The following CCDC3 variants were observed in gnomAD, a reference collection of about 807,000 sequenced individuals.
CCDC3 encodes coiled-coil domain-containing protein 3.
A neutral mutation model predicts 21.4 loss-of-function variants in CCDC3; 24 were observed. That is an observed-to-expected ratio of 1.12 (90% CI 0.81 to 1.58). The LOEUF is 1.58. Among genes scored for constraint, CCDC3 ranks in the 40% most tolerant of loss-of-function variants. The pLI is 0.00. For missense variants in CCDC3, 425 were observed against 360.9 expected (o/e 1.18, Z -1.44); for synonymous variants, 186 against 166.0 (o/e 1.12, Z -0.93).
At chr10:12,999,014 TGGATCACCTAAGGTCAGGA>T (rs2131286246) in intron 1 of CCDC3, among the ~76,000 whole-genome samples, 1 of 152,216 alleles carries the variant, frequency 6.6e-6, no homozygotes, top group East Asian at 1.9e-4. Context: ...CCAAGGCAGG[TGGATCACCTAAGGTCAGGA>T]GTTCGAGACC....
chr10:12,966,015 G>C (rs2131260756), intron 2 of CCDC3, among the ~76,000 whole-genome samples: 1 of 152,194 alleles, frequency 6.6e-6, no homozygotes, highest in Middle Eastern at 3.4e-3. Flanking sequence ...CACCATCCCA[G>C]GCATTTTCTT....
chr10:13,003,449 A>G (rs1835890088), upstream of CCDC3, among the ~76,000 whole-genome samples: 1 of 152,234 alleles, frequency 6.6e-6, no homozygotes, highest in Non-Finnish European at 1.5e-5. Context: ...CTTAACTACA[A>G]CACTAGAATA....
chr10:12,963,724 C>T (rs148578215), intron 2 of CCDC3, among the ~76,000 whole-genome samples: 13 of 152,024 alleles, frequency 8.6e-5, no homozygotes, highest in African/African-American at 2.7e-4. Context: ...GGAATACAGG[C>T]GTGCACCACC....
At chr10:12,936,356 A>C (rs961159876) in intron 2 of CCDC3, among the ~76,000 whole-genome samples, 3 of 151,926 alleles carry the variant, frequency 2.0e-5, no homozygotes, top group Non-Finnish European at 4.4e-5. Flanking sequence ...TTTTCTTTCA[A>C]GAATTTTTTT....
chr10:12,953,753 G>A (rs750816077), intron 2 of CCDC3, among the ~76,000 whole-genome samples: 6 of 152,178 alleles, frequency 3.9e-5, no homozygotes, highest in Non-Finnish European at 8.8e-5. Flanking sequence ...CAGAAGCCTT[G>A]ATCACAGAAG....
chr10:12,989,557 G>T (rs536639069), intron 2 of CCDC3, among the ~76,000 whole-genome samples: 2 of 152,250 alleles, frequency 1.3e-5, no homozygotes, highest in Admixed American at 6.5e-5. Flanking sequence ...GAGTAGCTGG[G>T]ATTACAGGCA....
intron 2 of CCDC3, among the ~76,000 whole-genome samples, chr10:12,984,261 T>C (rs61251528): frequency 0.056 from 8,524 of 152,192 alleles, 677 homozygotes; most frequent in African/African-American, 0.18. Flanking sequence ...TAGACGTTTC[T>C]CCCAAAAGGA....
At chr10:13,026,072 T>C (rs1348250934) in intron 5 of CCDC3, among the ~76,000 whole-genome samples, 2 of 151,970 alleles carry the variant, frequency 1.3e-5, no homozygotes, top group South Asian at 2.1e-4. Flanking sequence ...TCCCAGCTAC[T>C]CAGGAGGCTG....
At chr10:13,046,713 A>C (rs1185833661) in intron 5 of CCDC3, among the ~76,000 whole-genome samples, 2 of 151,784 alleles carry the variant, frequency 1.3e-5, no homozygotes, top group African/African-American at 4.8e-5. Context: ...GTCTCAAAAA[A>C]AAAAAAAAAG....
At chr10:13,086,941 G>A (rs472314) in intron 3 of CCDC3, among the ~76,000 whole-genome samples, 2,297 of 152,244 alleles carry the variant, frequency 0.015, 68 homozygotes, top group African/African-American at 0.053. Flanking sequence ...AACATGAAAG[G>A]GGCTGCAGAT....
rs1835797063 is a variant in CCDC3, at chr10:12,998,460, T to C, written c.427A>G (p.Ile143Val). ...LPHGVNFQDA[I>V]FPDTQENRRM... ...CTGTTCTCTTGAGTGTCTGGGAAGA[T>C]GGCATCTTGGAAATTGACTCCGTGA... Residue 143 changes from isoleucine (I) to valine (V), a missense_variant, in exon 2 of 3, where the codon ATC becomes GTC. Transcript: ENST00000378825. 1.2e-6 allele frequency: 2 copies of C among 1,614,186 alleles called. No homozygotes were observed. Among genetic ancestry groups the C allele is most frequent in the South Asian group, 1.1e-5 (1 of 91,078 alleles).
At chr10:12,927,385 T>C (rs1478579587) in intron 2 of CCDC3, among the ~76,000 whole-genome samples, 3 of 152,216 alleles carry the variant, frequency 2.0e-5, no homozygotes, top group Admixed American at 6.5e-5. Context: ...AAATTAACAA[T>C]TGCTCAATAC....
intron 2 of CCDC3, among the ~76,000 whole-genome samples, chr10:12,958,314 G>A (rs1488919330): frequency 3.3e-5 from 5 of 152,138 alleles, no homozygotes; most frequent in Admixed American, 6.5e-5. Flanking sequence ...TTCTAGAACT[G>A]CAACCTGACA....
chr10:13,029,404 A>G (rs1384311778), intron 5 of CCDC3, among the ~76,000 whole-genome samples: 1 of 152,228 alleles, frequency 6.6e-6, no homozygotes, highest in Admixed American at 6.5e-5. Flanking sequence ...GAAAAGCTGA[A>G]AATTCTAAAA....
chr10:12,942,153 T>C (rs1044003713), intron 2 of CCDC3, among the ~76,000 whole-genome samples: 1 of 152,202 alleles, frequency 6.6e-6, no homozygotes, highest in Non-Finnish European at 1.5e-5. Context: ...AGATGACTCA[T>C]CAGAAGAAAA....
intron 2 of CCDC3, among the ~76,000 whole-genome samples, chr10:12,930,216 C>T (rs774389084): frequency 1.3e-5 from 2 of 152,110 alleles, no homozygotes; most frequent in Non-Finnish European, 2.9e-5. Flanking sequence ...CAGGACAATA[C>T]GTTGTACAGT....
intron 5 of CCDC3, among the ~76,000 whole-genome samples, chr10:13,023,289 G>C (rs1018990336): frequency 6.6e-6 from 1 of 152,052 alleles, no homozygotes; most frequent in Admixed American, 6.6e-5. Flanking sequence ...CAATTCTGTT[G>C]GTTGATTAGG....
At chr10:12,960,219 C>A (rs1443194351) in intron 2 of CCDC3, among the ~76,000 whole-genome samples, 1 of 151,204 alleles carries the variant, frequency 6.6e-6, no homozygotes, top group African/African-American at 2.4e-5. Context: ...ACTGTACTGT[C>A]CTTGAAAGCA....
At chr10:13,004,276 A>C (rs772426812), upstream of CCDC3, among the ~76,000 whole-genome samples, 1 of 68,220 alleles carries the variant, frequency 1.5e-5, no homozygotes, top group Non-Finnish European at 3.6e-5. Context: ...TTAAGTCTTC[A>C]CTAAACTGTT....
Sources: allele counts gnomAD v4.1 joint callset (sites outside exome capture counted in the v4.1 genomes callset), GRCh38; gene constraint gnomAD v4.1.1; transcripts MANE v1.5; gene names NCBI Gene and HGNC (gene_info 2026-07-23, HGNC 2026-07-21).